The following RCAN2 variants were observed in gnomAD, a reference collection of about 807,000 sequenced individuals.
RCAN2 encodes regulator of calcineurin 2.
Under a neutral mutation model 23.6 loss-of-function variants are expected in RCAN2, and 9 were observed. The ratio of observed to expected loss-of-function variants is 0.38; its 90% CI spans 0.23 to 0.67. The LOEUF (loss-of-function observed/expected upper bound fraction) is 0.67, where lower values mean the gene tolerates loss of function less well. Ranked by LOEUF, RCAN2 falls within the 30% of genes least tolerant of loss-of-function variation. RCAN2 has a pLI of 0.51. For synonymous variants in RCAN2, 109 were observed against 115.7 expected (o/e 0.94, Z 0.37); for missense variants, 273 against 302.3 (o/e 0.90, Z 0.72).
chr6:46,335,058 A>T (rs1481989015), intron 2 of RCAN2, among the ~76,000 whole-genome samples: 2 of 152,136 alleles, frequency 1.3e-5, no homozygotes, highest in Non-Finnish European at 1.5e-5. Context: ...TTCTCCTCCC[A>T]TATTGGATGT....
chr6:46,467,349 A>G (rs898473614), intron 1 of RCAN2, among the ~76,000 whole-genome samples: 7 of 152,060 alleles, frequency 4.6e-5, no homozygotes, highest in Non-Finnish European at 1.0e-4. Flanking sequence ...TCAACTGTAA[A>G]GATGACAGGA....
At chr6:46,224,720 A>T (rs755803389) in intron 4 of RCAN2, among the ~76,000 whole-genome samples, 10 of 152,124 alleles carry the variant, frequency 6.6e-5, no homozygotes, top group Admixed American at 3.3e-4. Context: ...ACAGGGCACT[A>T]ATTATGTGCT....
chr6:46,296,729 T>C (rs1393005882), intron 2 of RCAN2, among the ~76,000 whole-genome samples: 4 of 152,100 alleles, frequency 2.6e-5, no homozygotes, highest in Non-Finnish European at 5.9e-5. Flanking sequence ...TGAACAAGTG[T>C]CTATGATGTT....
chr6:46,230,105 C>T (rs562301008), intron 4 of RCAN2, among the ~76,000 whole-genome samples: 6 of 152,272 alleles, frequency 3.9e-5, no homozygotes, highest in South Asian at 2.1e-4. Flanking sequence ...TATTGCAGAG[C>T]GGCAAATGTT....
In RCAN2 at chr6:46,489,185, C is replaced by T. The variant is rs539917459; in HGVS notation, c.-3+1988G>A. ...TACCCAGCCCCTTCTCTAGACAACTCCTACCACCTATTGGGATCCAGACCA... is the reference window on the plus strand; with the variant it reads ...TACCCAGCCCCTTCTCTAGACAACTTCTACCACCTATTGGGATCCAGACCA... On this transcript the variant is annotated intron_variant, in intron 1 of 4. Transcript: ENST00000371374. Among the ~76,000 whole-genome samples, 17 of 152,282 alleles carry T rather than the reference C, an allele frequency of 1.1e-4. No individual in the cohort carries two copies. In the East Asian group the frequency reaches 2.9e-3, roughly 26 times the overall value.
rs191554108 is a variant in RCAN2, at chr6:46,265,665, G to A, written c.226-16769C>T. ...GGAGAGACGTGACAGTCCTCTTGAT[G>A]AGTGGAACCTGTCAAAATATGCAGG... On this transcript the variant is annotated intron_variant, in intron 2 of 4. Transcript: ENST00000371374. Among the ~76,000 whole-genome samples the A allele has an allele frequency of 2.0e-5, 3 of 152,292 alleles. No homozygotes were observed. The East Asian group carries it at 5.8e-4, about 29-fold the overall frequency.
intron 2 of RCAN2, among the ~76,000 whole-genome samples, chr6:46,450,836 A>G (rs1305474580): frequency 6.6e-6 from 1 of 152,136 alleles, no homozygotes; most frequent in Admixed American, 6.6e-5. Flanking sequence ...AATGAGTTCA[A>G]AAGATCTATT....
chr6:46,341,070 A>G (rs1000621322), intron 2 of RCAN2, among the ~76,000 whole-genome samples: 26 of 152,352 alleles, frequency 1.7e-4, no homozygotes, highest in Admixed American at 5.2e-4. Context: ...TAGTAAAGTT[A>G]CTAGTTTTAA....
chr6:46,295,956 AAC>A (rs1289883175), intron 2 of RCAN2, among the ~76,000 whole-genome samples: 1 of 151,092 alleles, frequency 6.6e-6, no homozygotes, highest in Non-Finnish European at 1.5e-5. Flanking sequence ...GAAATGAGCA[AAC>A]TTTTTTTTTT....
In RCAN2 at chr6:46,456,518, A is replaced by T. The variant is rs1285066322; in HGVS notation, c.225+234T>A. Among the ~76,000 whole-genome samples, 6 of 152,248 alleles carry T rather than the reference A, an allele frequency of 3.9e-5. No homozygotes were observed. The South Asian group carries it at 1.2e-3, about 31-fold the overall frequency. On this transcript the variant is annotated intron_variant, in intron 2 of 4. Transcript: ENST00000371374. The stretch of plus-strand genomic sequence containing the variant: ...ATTTGTTTTGCTAGATAGACCTGTG[A>T]GTCACAGAGGACTCAATTTGATTCA...
chr6:46,439,119 G>A (rs935620019), intron 2 of RCAN2, among the ~76,000 whole-genome samples: 1 of 152,190 alleles, frequency 6.6e-6, no homozygotes, highest in Non-Finnish European at 1.5e-5. Context: ...TTGGAGACAG[G>A]ATTTTCCTCA....
At chr6:46,430,873 G>A (rs1428755395) in intron 2 of RCAN2, among the ~76,000 whole-genome samples, 1 of 152,104 alleles carries the variant, frequency 6.6e-6, no homozygotes, top group Non-Finnish European at 1.5e-5. Context: ...ATTGAGAGAT[G>A]AGGAATAAGA....
chr6:46,295,294 A>G (rs1867013), intron 2 of RCAN2, among the ~76,000 whole-genome samples: 5,381 of 152,260 alleles, frequency 0.035, 292 homozygotes, highest in African/African-American at 0.12. Context: ...AGACAGAGAC[A>G]GAAGCCATCA....
intron 2 of RCAN2, among the ~76,000 whole-genome samples, chr6:46,282,053 C>T (rs1005099810): frequency 6.6e-6 from 1 of 152,120 alleles, no homozygotes; most frequent in Non-Finnish European, 1.5e-5. Context: ...TTCCTATTTG[C>T]CCAGGGCCTA....
intron 2 of RCAN2, among the ~76,000 whole-genome samples, chr6:46,273,909 A>G (rs1231515398): frequency 1.3e-5 from 2 of 151,942 alleles, no homozygotes; most frequent in African/African-American, 4.8e-5. Context: ...GAACAAGCCT[A>G]ATCCTTGCAT....
chr6:46,265,562 T>G (rs1767295077), intron 2 of RCAN2, among the ~76,000 whole-genome samples: 2 of 152,144 alleles, frequency 1.3e-5, no homozygotes, highest in Non-Finnish European at 2.9e-5. Flanking sequence ...AGGACTGTCT[T>G]GGGCACACTG....
At chr6:46,271,208 A>G (rs1767513667) in intron 2 of RCAN2, among the ~76,000 whole-genome samples, 2 of 152,168 alleles carry the variant, frequency 1.3e-5, no homozygotes, top group South Asian at 4.1e-4. Flanking sequence ...ATTCTAAGGA[A>G]GAGGCTCATG....
chr6:46,477,823 T>C (rs1318462525), intron 1 of RCAN2, among the ~76,000 whole-genome samples: 1 of 152,076 alleles, frequency 6.6e-6, no homozygotes, highest in African/African-American at 2.4e-5. Context: ...GACAGTATAA[T>C]TAAAAGCAAA....
intron 2 of RCAN2, among the ~76,000 whole-genome samples, chr6:46,425,896 C>CTTTTTTTTTTTTT (rs1049166361): frequency 1.6e-5 from 2 of 126,696 alleles, no homozygotes; most frequent in Non-Finnish European, 3.4e-5. Flanking sequence ...TTCTTTCTTT[C>CTTTTTTTTTTTTT]TTTTTTTTTT....
Sources: gnomAD v4.1 joint callset for allele counts (sites outside exome capture counted in the v4.1 genomes callset) on GRCh38, gnomAD v4.1.1 for gene constraint, MANE v1.5 for transcripts, NCBI Gene and HGNC (gene_info 2026-07-23, HGNC 2026-07-21) for gene names.